Variants in SLC7A1 observed in about 807,000 individuals in gnomAD.
SLC7A1 encodes the protein high affinity cationic amino acid transporter 1.
Under a neutral mutation model 53.9 loss-of-function variants are expected in SLC7A1, and 10 were observed. That is an observed-to-expected ratio of 0.19 (90% CI 0.11 to 0.31). The LOEUF (loss-of-function observed/expected upper bound fraction) is 0.31, where lower values mean the gene tolerates loss of function less well. SLC7A1 is among the 10% of genes least tolerant of loss of function. The pLI is 1.00. For synonymous variants in SLC7A1, 342 were observed against 338.7 expected (o/e 1.01, Z -0.11); for missense variants, 525 against 827.2 (o/e 0.63, Z 4.48).
chr13:29,517,821 A>G, intron 9 of SLC7A1, 31 bp from the exon 10 acceptor site: 12 of 1,570,388 alleles, frequency 7.6e-6, no homozygotes, highest in Non-Finnish European at 1.1e-5. Context: ...TGACCGCCAC[A>G]TCTGCTTCAA....
Position 29,519,498 on chromosome 13 carries a change from A to G in SLC7A1, c.1241T>C (p.Ile414Thr). Residue 414 changes from isoleucine (I) to threonine (T), a missense_variant, in exon 9 of 13, where the codon ATT (isoleucine) becomes ACT (threonine). This residue lies in a region of SLC7A1 where 354 missense variants were observed against 587.5 expected (regional missense o/e 0.60). Coordinates refer to ENST00000380752, the MANE Select transcript of SLC7A1 (RefSeq NM_003045.5). ...DLKDLVDLMSIGTLLAYSLVA... is the reference protein window; with the variant it reads ...DLKDLVDLMSTGTLLAYSLVA... The stretch of plus-strand genomic sequence containing the variant: ...CAACGAGTAAGCCAGGAGAGTGCCA[A>G]TGGACATGAGGTCCACCAAGTCCTT... The G allele has an allele frequency of 6.2e-7, 1 of 1,613,854 alleles. No individual in the cohort carries two copies. Among genetic ancestry groups the G allele is most frequent in the African/African-American group, 1.3e-5 (1 of 75,050 alleles).
At position 29,526,879 on chromosome 13, in the gene SLC7A1, G is replaced by A. The variant is rs142589965; in HGVS notation, c.705-2626C>T. Among the ~76,000 whole-genome samples, 391 of 152,274 alleles carry A rather than the reference G, an allele frequency of 2.6e-3. 1 individual carries two copies. The highest frequency in any genetic ancestry group is 8.8e-3 in the African/African-American group (365 of 41,558). The stretch of plus-strand genomic sequence containing the variant: ...GGTTACAGAATGGGGGTGAAGGCAC[G>A]TGCTGTGCTGCGCCAACTCCAGAGC... On this transcript the variant is annotated intron_variant, in intron 5 of 12. Coordinates refer to ENST00000380752, the MANE Select transcript of SLC7A1 (RefSeq NM_003045.5).
intron 2 of SLC7A1, among the ~76,000 whole-genome samples, chr13:29,537,345 G>A (rs1869468506): frequency 6.6e-6 from 1 of 152,166 alleles, no homozygotes; most frequent in South Asian, 2.1e-4. Context: ...GGCTAACCAT[G>A]GGAAAACCAC....
intron 5 of SLC7A1, among the ~76,000 whole-genome samples, chr13:29,528,355 G>A (rs1273538752): frequency 6.6e-6 from 1 of 152,212 alleles, no homozygotes; most frequent in East Asian, 1.9e-4. Context: ...TGAGTCAAAG[G>A]CACGAAGAGC....
At chr13:29,540,652 A>G (rs1869625172) in intron 2 of SLC7A1, among the ~76,000 whole-genome samples, 1 of 152,228 alleles carries the variant, frequency 6.6e-6, no homozygotes, top group African/African-American at 2.4e-5. Context: ...ACACTCGGAA[A>G]TGCCCTTCTT....
intron 3 of SLC7A1, among the ~76,000 whole-genome samples, chr13:29,534,845 C>G (rs1335872767): frequency 6.6e-6 from 1 of 152,088 alleles, no homozygotes; most frequent in African/African-American, 2.4e-5. Flanking sequence ...CCGTTTGTAC[C>G]CTTTGCTTCT....
chr13:29,532,419 C>T (rs960141631), intron 4 of SLC7A1, among the ~76,000 whole-genome samples: 2 of 152,178 alleles, frequency 1.3e-5, no homozygotes, highest in South Asian at 2.1e-4. Flanking sequence ...GTGTTCCAGA[C>T]GGAGCTCATT....
At chr13:29,581,826 C>T (rs1020127433) in intron 1 of SLC7A1, among the ~76,000 whole-genome samples, 3 of 152,198 alleles carry the variant, frequency 2.0e-5, no homozygotes, top group African/African-American at 7.2e-5. Context: ...TCTCCTTCGC[C>T]CATTTCACCA....
intron 1 of SLC7A1, among the ~76,000 whole-genome samples, chr13:29,583,418 G>T (rs1245421148): frequency 1.3e-5 from 2 of 152,196 alleles, no homozygotes; most frequent in Non-Finnish European, 2.9e-5. Flanking sequence ...CACACAGCAG[G>T]ACACTTTGCT....
chr13:29,524,035 G>A lies in SLC7A1; in HGVS notation c.826+97C>T, dbSNP rs945177484. The A allele has an allele frequency of 4.0e-6, 5 of 1,237,970 alleles. No homozygotes were observed. In the African/African-American group the frequency reaches 7.3e-5, roughly 18 times the overall value. The allele number at this position is 1,237,970 out of a possible 1,614,324, so 76.7% of individuals were successfully genotyped here. Reference sequence around the variant, plus strand: ...CATGTTGCTCATGTGTGAAAGAGCGGCGACTGGACCGTGCCAGCAAGGAGG... The same window carrying A: ...CATGTTGCTCATGTGTGAAAGAGCGACGACTGGACCGTGCCAGCAAGGAGG... On this transcript the variant is annotated intron_variant, in intron 6 of 12. Coordinates refer to ENST00000380752, the MANE Select transcript of SLC7A1 (RefSeq NM_003045.5).
chr13:29,579,844 T>G (rs1456455784), intron 1 of SLC7A1, among the ~76,000 whole-genome samples: 1 of 152,234 alleles, frequency 6.6e-6, no homozygotes, highest in Non-Finnish European at 1.5e-5. Flanking sequence ...CTGCTCCTTC[T>G]GGTCGAACCG....
chr13:29,570,852 T>G (rs1421751365), intron 1 of SLC7A1, among the ~76,000 whole-genome samples: 8 of 79,648 alleles, frequency 1.0e-4, no homozygotes, highest in Non-Finnish European at 2.4e-4. Context: ...AGAGAGACTT[T>G]GTCTCAAAAA....
chr13:29,585,040 T>C (rs1871822751), intron 1 of SLC7A1, among the ~76,000 whole-genome samples: 1 of 152,174 alleles, frequency 6.6e-6, no homozygotes, highest in South Asian at 2.1e-4. Flanking sequence ...CAGGCCACCT[T>C]TGGGACACCA....
At position 29,581,213 on chromosome 13, in the gene SLC7A1, G is replaced by A. The variant is rs1023624048; in HGVS notation, c.-115+14203C>T. Among the ~76,000 whole-genome samples, 4 of 152,000 alleles carry A rather than the reference G, an allele frequency of 2.6e-5. No individual in the cohort carries two copies. In the East Asian group the frequency reaches 5.8e-4, roughly 22 times the overall value. ...ACATCCCGACCCTGCCCCCACCCTC[G>A]CTTCTCTCCCTGTGAGAAGGTACAA... On this transcript the variant is annotated intron_variant, in intron 1 of 12. Transcript: ENST00000380752.
At chr13:29,588,057 AC>A (rs1365976497) in intron 1 of SLC7A1, among the ~76,000 whole-genome samples, 1 of 152,194 alleles carries the variant, frequency 6.6e-6, no homozygotes, top group African/African-American at 2.4e-5. Flanking sequence ...AAACATTCTA[AC>A]TTTTAGAAAC....
intron 2 of SLC7A1, among the ~76,000 whole-genome samples, chr13:29,536,684 A>G (rs533044554): frequency 6.6e-6 from 1 of 152,324 alleles, no homozygotes; most frequent in African/African-American, 2.4e-5. Context: ...CTGAATGGCA[A>G]TAACAATGTT....
At chr13:29,539,155 G>A (rs1869553691) in intron 2 of SLC7A1, among the ~76,000 whole-genome samples, 1 of 150,124 alleles carries the variant, frequency 6.7e-6, no homozygotes, top group South Asian at 2.1e-4. Context: ...GGGCTTTTCA[G>A]GAGGGCTATT....
chr13:29,547,219 T>C (rs1869959710), intron 2 of SLC7A1, among the ~76,000 whole-genome samples: 1 of 152,196 alleles, frequency 6.6e-6, no homozygotes, highest in South Asian at 2.1e-4. Context: ...CCTGTAAAAA[T>C]GAAGCCCATT....
rs1756444 is a variant in SLC7A1, at chr13:29,570,963, C to A, written c.-114-17103G>T. ...ATGAATTTATATATGTAAAGCACTG[C>A]AGAGCACCTGGTGCATAGTATGCGC... On this transcript the variant is annotated intron_variant, in intron 1 of 12. Coordinates refer to ENST00000380752, the MANE Select transcript of SLC7A1 (RefSeq NM_003045.5). 3.4e-3 allele frequency among the ~76,000 whole-genome samples: 521 copies of A among 152,168 alleles called. 3 individuals carry two copies. The highest frequency in any genetic ancestry group is 0.012 in the African/African-American group (488 of 41,514).
Sources: gnomAD v4.1 joint callset for allele counts (sites outside exome capture counted in the v4.1 genomes callset) on GRCh38, gnomAD v4.1.1 for gene constraint, gnomAD v4.1.1 regional missense constraint, MANE v1.5 for transcripts, NCBI Gene and HGNC (gene_info 2026-07-23, HGNC 2026-07-21) for gene names.